Variants in KCNQ5 observed in about 807,000 individuals in gnomAD.
KCNQ5 encodes potassium voltage-gated channel subfamily Q member 5.
KCNQ5 carries 30 observed loss-of-function variants against 98.2 expected under a neutral mutation model. The ratio of observed to expected loss-of-function variants is 0.31; its 90% confidence interval spans 0.23 to 0.41. KCNQ5 has a LOEUF of 0.41. KCNQ5 is among the 10% of genes least tolerant of loss of function. The pLI, the probability that KCNQ5 is intolerant of heterozygous loss-of-function variation, is 1.00. For synonymous variants in KCNQ5, 458 were observed against 449.4 expected, an observed-to-expected ratio of 1.02 and a Z score of -0.24; for missense variants, 835 against 1,182.5, an observed-to-expected ratio of 0.71 and a Z score of 4.31.
chr6:72,880,608 A>G (rs553537127), intron 1 of KCNQ5, among the ~76,000 whole-genome samples: 13 of 152,300 alleles, frequency 8.5e-5, no homozygotes, highest in African/African-American at 3.1e-4. Context: ...ATATGTGTGT[A>G]TCTGTTATAT....
intron 2 of KCNQ5, among the ~76,000 whole-genome samples, chr6:73,008,766 A>G (rs1769928805): frequency 6.6e-6 from 1 of 152,190 alleles, no homozygotes; most frequent in Admixed American, 6.5e-5. Flanking sequence ...GGACTAACAG[A>G]CATAATACAG....
At chr6:72,682,044 A>G (rs1018294213) in intron 1 of KCNQ5, among the ~76,000 whole-genome samples, 2 of 152,150 alleles carry the variant, frequency 1.3e-5, no homozygotes, top group African/African-American at 4.8e-5. Context: ...GCTTTCAAGT[A>G]TGTGGAGAAA....
At chr6:72,824,785 CTG>C (rs35336711) in intron 1 of KCNQ5, among the ~76,000 whole-genome samples, 50 of 150,608 alleles carry the variant, frequency 3.3e-4, no homozygotes, top group Admixed American at 6.6e-4. Context: ...TTCTCTGTCT[CTG>C]TGTGTGTGTG....
intron 7 of KCNQ5, among the ~76,000 whole-genome samples, chr6:73,112,134 A>G (rs908818884): frequency 3.3e-5 from 5 of 152,052 alleles, no homozygotes; most frequent in African/African-American, 1.2e-4. Context: ...ATTTTTTGTT[A>G]GATTCATAAT....
intron 1 of KCNQ5, among the ~76,000 whole-genome samples, chr6:72,849,115 TACACACACACACAC>T (rs57312980): frequency 6.8e-6 from 1 of 147,382 alleles, no homozygotes; most frequent in Non-Finnish European, 1.5e-5. Flanking sequence ...TATGTACACA[TACACACACACACAC>T]ACACACACAC....
In KCNQ5 at chr6:72,773,356, T is replaced by C. The variant is rs188230427; in HGVS notation, c.398+150769T>C. Among the ~76,000 whole-genome samples, 136 of 152,106 alleles carry C rather than the reference T, an allele frequency of 8.9e-4. 1 individual carries two copies. The highest frequency in any genetic ancestry group is 5.2e-3 in the Admixed American group (79 of 15,264). The stretch of plus-strand genomic sequence containing the variant: ...GGGACATGGATGAAGCTGGAAACCA[T>C]CATTCTCAGCAAACTTGTTCTCACT... On this transcript the variant is annotated intron_variant, in intron 1 of 13. Transcript: ENST00000370398.
chr6:73,119,871 C>T (rs1325122028), intron 7 of KCNQ5, among the ~76,000 whole-genome samples: 3 of 152,146 alleles, frequency 2.0e-5, no homozygotes, highest in African/African-American at 7.2e-5. Context: ...AATATAGTAT[C>T]TTTCCCTTAC....
chr6:72,843,344 A>C (rs570634459), intron 1 of KCNQ5, among the ~76,000 whole-genome samples: 1 of 152,086 alleles, frequency 6.6e-6, no homozygotes, highest in Non-Finnish European at 1.5e-5. Flanking sequence ...TGGTCTATAT[A>C]TCTGTTTTGG....
At chr6:72,830,475 G>T (rs1284016497) in intron 1 of KCNQ5, among the ~76,000 whole-genome samples, 1 of 151,932 alleles carries the variant, frequency 6.6e-6, no homozygotes, top group African/African-American at 2.4e-5. Context: ...CAAAAACAAG[G>T]AATGGGGAAA....
chr6:73,165,130 C>T (rs1014324288), intron 10 of KCNQ5, among the ~76,000 whole-genome samples: 1 of 152,082 alleles, frequency 6.6e-6, no homozygotes, highest in African/African-American at 2.4e-5. Context: ...TACAGGCATA[C>T]ACACTACCAT....
At chr6:73,072,329 G>C (rs1773332048) in intron 3 of KCNQ5, among the ~76,000 whole-genome samples, 1 of 152,154 alleles carries the variant, frequency 6.6e-6, no homozygotes, top group African/African-American at 2.4e-5. Flanking sequence ...GTTTGATCCA[G>C]ATGATTTAGT....
At chr6:72,978,787 C>T (rs1768281458) in intron 1 of KCNQ5, among the ~76,000 whole-genome samples, 1 of 152,202 alleles carries the variant, frequency 6.6e-6, no homozygotes, top group South Asian at 2.1e-4. Context: ...ATTAACTCGT[C>T]ATTTACATTA....
Position 72,622,640 on chromosome 6 carries a change from C to G in KCNQ5, c.398+53C>G. On this transcript the variant is annotated intron_variant, in intron 1 of 13. Transcript: ENST00000370398. The surrounding 1 kb of genome is among the most constrained non-coding windows in gnomAD (Gnocchi z 6.0). ...CGCTGCAGGGGACCACTGTCCCTGG[C>G]CCCCTGGGGCGTGCTCCGCGCTCGC... The G allele has an allele frequency of 6.3e-7, 1 of 1,591,750 alleles. No individual in the cohort carries two copies. Among genetic ancestry groups the G allele is most frequent in the Non-Finnish European group, 8.6e-7 (1 of 1,168,344 alleles).
chr6:72,647,100 T>C (rs1765628272), intron 1 of KCNQ5, among the ~76,000 whole-genome samples: 1 of 152,218 alleles, frequency 6.6e-6, no homozygotes, highest in African/African-American at 2.4e-5. Context: ...TCATTTACTG[T>C]CTGTGACTAT....
At chr6:72,990,264 C>T (rs1221422788) in intron 1 of KCNQ5, among the ~76,000 whole-genome samples, 3 of 87,672 alleles carry the variant, frequency 3.4e-5, no homozygotes, top group African/African-American at 9.4e-5. Flanking sequence ...GCCATTTTCA[C>T]GATATTGATT....
At chr6:73,043,972 G>A (rs1771837689) in intron 3 of KCNQ5, among the ~76,000 whole-genome samples, 1 of 152,122 alleles carries the variant, frequency 6.6e-6, no homozygotes, top group Non-Finnish European at 1.5e-5. Flanking sequence ...GCCTTTGGAT[G>A]TATCAATAGT....
chr6:72,941,936 C>T (rs775314999), intron 1 of KCNQ5, among the ~76,000 whole-genome samples: 1 of 152,042 alleles, frequency 6.6e-6, no homozygotes, highest in Admixed American at 6.6e-5. Context: ...GTGTTCTGAG[C>T]AAACACAATG....
intron 1 of KCNQ5, among the ~76,000 whole-genome samples, chr6:72,880,609 T>A (rs1249853198): frequency 6.6e-6 from 1 of 152,200 alleles, no homozygotes; most frequent in African/African-American, 2.4e-5. Context: ...TATGTGTGTA[T>A]CTGTTATATT....
chr6:72,945,669 G>C (rs888810213), intron 1 of KCNQ5, among the ~76,000 whole-genome samples: 2 of 151,906 alleles, frequency 1.3e-5, no homozygotes, highest in Non-Finnish European at 2.9e-5. Flanking sequence ...TTGACAGGCT[G>C]GTCTCGAACT....
Sources: allele counts gnomAD v4.1 joint callset (sites outside exome capture counted in the v4.1 genomes callset), GRCh38; gene constraint gnomAD v4.1.1; non-coding constraint Gnocchi (gnomAD v3.1); transcripts MANE v1.5; gene names NCBI Gene and HGNC (gene_info 2026-07-23, HGNC 2026-07-21).